The following MICU1 variants were observed in gnomAD, a reference collection of about 807,000 sequenced individuals.
MICU1 encodes the protein calcium uptake protein 1, mitochondrial.
MICU1 carries 45 observed loss-of-function variants against 56.8 expected under a neutral mutation model. That is an observed-to-expected ratio of 0.79 (90% CI 0.62 to 1.02). MICU1 has a LOEUF of 1.02. Among genes scored for constraint, MICU1 ranks in the 50% least tolerant of loss-of-function variants. MICU1 has a pLI of 0.00. For synonymous variants in MICU1, 186 were observed against 195.1 expected (o/e 0.95, Z 0.39); for missense variants, 504 against 587.1 (o/e 0.86, Z 1.46).
At chr10:72,390,480 T>C (rs1416696057) in intron 10 of MICU1, among the ~76,000 whole-genome samples, 2 of 152,212 alleles carry the variant, frequency 1.3e-5, no homozygotes, top group Admixed American at 1.3e-4. Flanking sequence ...ATTTGAACCA[T>C]GGAATACTTT....
intron 8 of MICU1, among the ~76,000 whole-genome samples, chr10:72,463,507 C>CT (rs1045497252): frequency 1.3e-5 from 2 of 152,146 alleles, no homozygotes; most frequent in Non-Finnish European, 2.9e-5. Context: ...CAAAAAAGCA[C>CT]TTTTTGGCAC....
chr10:72,392,150 A>C (rs1863097212), intron 10 of MICU1: 1 of 152,220 alleles, frequency 6.6e-6, no homozygotes, highest in Non-Finnish European at 1.5e-5. Flanking sequence ...CAACCGTTTC[A>C]CATATGGGAC....
At chr10:72,456,841 G>A (rs1441901610) in intron 8 of MICU1, among the ~76,000 whole-genome samples, 2 of 141,316 alleles carry the variant, frequency 1.4e-5, no homozygotes, top group African/African-American at 2.6e-5. Context: ...CACCATGCCG[G>A]GCTCATTTTG....
chr10:72,557,466 T>C (rs1840186817), intron 3 of MICU1, among the ~76,000 whole-genome samples: 2 of 152,128 alleles, frequency 1.3e-5, no homozygotes, highest in Non-Finnish European at 2.9e-5. Flanking sequence ...CAGTGAAAAA[T>C]CAAGGCTCAA....
At chr10:72,586,022 T>TTTC (rs1554893362) in intron 1 of MICU1, among the ~76,000 whole-genome samples, 1 of 133,860 alleles carries the variant, frequency 7.5e-6, no homozygotes, top group Non-Finnish European at 1.6e-5. Context: ...TCTTTTTTTT[T>TTTC]TTTTTTTTTT....
rs1477788021 is a variant in MICU1, at chr10:72,494,236, A to G, written c.652+13919T>C. On this transcript the variant is annotated intron_variant, in intron 6 of 11. Transcript: ENST00000361114. ...TAGAGCCAGAATGCTGGCATTTCGC[A>G]TAGTTCTTAGACAAGCCCATGCCCT... Among the ~76,000 whole-genome samples the G allele has an allele frequency of 2.6e-5, 4 of 152,154 alleles. No individual in the cohort carries two copies. In the South Asian group the frequency reaches 6.2e-4, roughly 24 times the overall value.
At chr10:72,382,777 C>T (rs914285971) in intron 10 of MICU1, among the ~76,000 whole-genome samples, 1 of 152,128 alleles carries the variant, frequency 6.6e-6, no homozygotes, top group Non-Finnish European at 1.5e-5. Flanking sequence ...GGCGTGGTGG[C>T]ACATGCCTGT....
At chr10:72,458,037 C>T (rs1396382408) in intron 8 of MICU1, among the ~76,000 whole-genome samples, 2 of 151,786 alleles carry the variant, frequency 1.3e-5, no homozygotes, top group South Asian at 2.1e-4. Context: ...CGTGGTGGCA[C>T]GTGCCTGTAA....
intron 5 of MICU1, among the ~76,000 whole-genome samples, chr10:72,530,673 T>C (rs1361335400): frequency 1.3e-5 from 2 of 152,118 alleles, no homozygotes; most frequent in Non-Finnish European, 2.9e-5. Context: ...ACAAGGGAAA[T>C]TTCTAGTATT....
rs550911062 is a variant in MICU1 at position 72,482,737 on chromosome 10, T to G, written c.653-5481A>C. 6.6e-5 allele frequency among the ~76,000 whole-genome samples: 10 copies of G among 151,948 alleles called. No homozygotes were observed. In the East Asian group the frequency reaches 1.9e-3, roughly 29 times the overall value. On this transcript the variant is annotated intron_variant, in intron 6 of 11. Coordinates refer to ENST00000361114, the MANE Select transcript of MICU1 (RefSeq NM_001195518.2). ...ACTATTATCATGTCTCTAAAAAGGC[T>G]TCTTAGAACTTGCTTCCAAAACCTC...
At chr10:72,425,225 A>G (rs1023289042) in intron 8 of MICU1, among the ~76,000 whole-genome samples, 1 of 152,240 alleles carries the variant, frequency 6.6e-6, no homozygotes, top group Non-Finnish European at 1.5e-5. Flanking sequence ...TTAATGATTT[A>G]AAGTGTTCAT....
intron 1 of MICU1, among the ~76,000 whole-genome samples, chr10:72,593,504 AC>A (rs1308569952): frequency 6.8e-6 from 1 of 146,856 alleles, no homozygotes; most frequent in African/African-American, 2.6e-5. Context: ...AGTCTGGGCG[AC>A]AGTCGGACTC....
intron 1 of MICU1, among the ~76,000 whole-genome samples, chr10:72,602,574 G>C (rs565010237): frequency 1.3e-5 from 2 of 152,222 alleles, no homozygotes; most frequent in South Asian, 4.1e-4. Context: ...TTTAACCTAA[G>C]AATGTACAGG....
At chr10:72,520,148 T>C (rs539908650) in intron 5 of MICU1, among the ~76,000 whole-genome samples, 18 of 152,266 alleles carry the variant, frequency 1.2e-4, no homozygotes, top group Non-Finnish European at 1.8e-4. Context: ...AAATGACAAA[T>C]AGTATTTCTA....
Position 72,374,808 on chromosome 10 carries a change from C to CTTTTTTTTTT in MICU1, c.1270+965_1270+974dup, listed in dbSNP as rs34228174. Among the ~76,000 whole-genome samples the CTTTTTTTTTT allele has an allele frequency of 6.5e-5, 5 of 77,206 alleles. 1 individual carries two copies. Among genetic ancestry groups the CTTTTTTTTTT allele is most frequent in the African/African-American group, 1.6e-4 (3 of 19,268 alleles). 50.7% of individuals were successfully genotyped at this position (77,206 alleles called of 152,430 possible). A position where few individuals can be genotyped will look rare whatever the true frequency, so the allele number is the denominator to read the frequency against. On this transcript the variant is annotated intron_variant, in intron 11 of 11. Transcript: ENST00000361114. ...TCCTGGTTTTGCCATCTACTATTAT[C>CTTTTTTTTTT]TTTTTTTTTTTTTTTTTTTTTTTTT... is the stretch of plus-strand genomic sequence containing the variant.
At chr10:72,554,887 C>T (rs779241421) in intron 3 of MICU1, among the ~76,000 whole-genome samples, 12 of 152,098 alleles carry the variant, frequency 7.9e-5, no homozygotes, top group Non-Finnish European at 1.5e-4. Flanking sequence ...TGGTGGTACA[C>T]ACCTGTAGTC....
intron 8 of MICU1, 142 bp from the exon 9 acceptor site, chr10:72,423,513 T>A: frequency 9.5e-7 from 1 of 1,049,398 alleles, no homozygotes; most frequent in Non-Finnish European, 1.3e-6. Flanking sequence ...CAGTAAGATC[T>A]GCAAAAACTA....
intron 1 of MICU1, among the ~76,000 whole-genome samples, chr10:72,585,944 T>C (rs1346457731): frequency 6.6e-6 from 1 of 151,114 alleles, no homozygotes; most frequent in East Asian, 1.9e-4. Context: ...CGTAAATAGT[T>C]ATTATACATT....
At chr10:72,519,463 T>TA (rs1867752620) in intron 5 of MICU1, among the ~76,000 whole-genome samples, 1 of 152,214 alleles carries the variant, frequency 6.6e-6, no homozygotes. Context: ...AAACTTATTA[T>TA]ATAGCAAATT....
Sources: allele counts gnomAD v4.1 joint callset (sites outside exome capture counted in the v4.1 genomes callset), GRCh38; gene constraint gnomAD v4.1.1; transcripts MANE v1.5; gene names NCBI Gene and HGNC (gene_info 2026-07-23, HGNC 2026-07-21).